Variants in C10orf67 observed in about 807,000 individuals in gnomAD.
The protein encoded by C10orf67 is uncharacterized protein C10orf67, mitochondrial.
Under a neutral mutation model 35.6 loss-of-function variants are expected in C10orf67, and 60 were observed. The observed-to-expected ratio is 1.68, with a 90% CI of 1.37 to 2.09. The LOEUF (loss-of-function observed/expected upper bound fraction) is 2.09, where lower values mean the gene tolerates loss of function less well. Among genes scored for constraint, C10orf67 ranks in the 30% most tolerant of loss-of-function variants. C10orf67 has a pLI of 0.00. For synonymous variants in C10orf67, 167 were observed against 115.8 expected (o/e 1.44, Z -2.84); for missense variants, 474 against 330.2 (o/e 1.44, Z -3.38).
rs542047387 is a variant in C10orf67 at position 23,284,642 on chromosome 10, T to A, written c.910-2564A>T. Among the ~76,000 whole-genome samples the A allele has an allele frequency of 3.5e-4, 53 of 152,158 alleles. 1 individual carries two copies. Among genetic ancestry groups the A allele is most frequent in the Admixed American group, 3.4e-3 (52 of 15,260 alleles). The stretch of plus-strand genomic sequence containing the variant: ...GGAAGGCTGCAGTGAGCCATGATCA[T>A]GCCACTGCACTCCATCGCAGGCAAC... On this transcript the variant is annotated intron_variant, in intron 7 of 15. Transcript: ENST00000636213.
rs184436361 is a variant in C10orf67 at position 23,258,487 on chromosome 10, C to G, written c.1200+7775G>C. The G allele has an allele frequency of 4.4e-3, 724 of 165,432 alleles. 5 individuals carry two copies. Among genetic ancestry groups the G allele is most frequent in the African/African-American group, 0.017 (696 of 42,108 alleles). The allele number at this position is 165,432 out of a possible 1,614,324, so 10.2% of individuals were successfully genotyped here. ...ATCACTGGCAATTTGGTGTTCCTGCCGAATGCATCCAAAAGCTACCAGGGT... is the reference window on the plus strand; with the variant it reads ...ATCACTGGCAATTTGGTGTTCCTGCGGAATGCATCCAAAAGCTACCAGGGT... On this transcript the variant is annotated intron_variant, in intron 10 of 15. Coordinates refer to ENST00000636213, the MANE Select transcript of C10orf67 (RefSeq NM_001371909.1).
At chr10:23,205,173 A>G (rs896593005) in intron 15 of C10orf67, among the ~76,000 whole-genome samples, 1 of 152,216 alleles carries the variant, frequency 6.6e-6, no homozygotes, top group African/African-American at 2.4e-5. Flanking sequence ...TTTCTGCAGA[A>G]GGGCCTTTCT....
chr10:23,330,444 CAG>C (rs1290363495), intron 2 of C10orf67, among the ~76,000 whole-genome samples: 1 of 151,804 alleles, frequency 6.6e-6, no homozygotes, highest in Non-Finnish European at 1.5e-5. Context: ...GTCTACGTGA[CAG>C]AGTGAGACCC....
At chr10:23,270,936 C>T (rs899983800) in intron 8 of C10orf67, among the ~76,000 whole-genome samples, 2 of 152,210 alleles carry the variant, frequency 1.3e-5, no homozygotes, top group African/African-American at 4.8e-5. Flanking sequence ...GAACTCTGAT[C>T]TCTCCCTGGG....
intron 1 of C10orf67, chr10:23,344,122 G>A (rs1846037925): frequency 5.3e-6 from 1 of 190,124 alleles, no homozygotes; most frequent in Non-Finnish European, 1.1e-5. Flanking sequence ...TCCGTGGGCG[G>A]GGGCCGGGGA....
chr10:23,338,859 TAAA>T (rs1305576727), intron 1 of C10orf67, among the ~76,000 whole-genome samples: 1 of 151,766 alleles, frequency 6.6e-6, no homozygotes, highest in South Asian at 2.1e-4. Flanking sequence ...AAAATAAAAA[TAAA>T]AAAAATAAAA....
rs181075547 is a variant in C10orf67, at chr10:23,264,334, T to C, written c.1200+1928A>G. 1.9e-4 allele frequency among the ~76,000 whole-genome samples: 29 copies of C among 152,264 alleles called. No individual in the cohort carries two copies. The East Asian group carries it at 4.8e-3, about 25-fold the overall frequency. ...AGAAAAACATACTTCATTTTAAAAT[T>C]GAGCCAATTCATAGAAATATGTAAA... On this transcript the variant is annotated intron_variant, in intron 10 of 15. Transcript: ENST00000636213.
chr10:23,254,173 T>A (rs1842539071), intron 10 of C10orf67, among the ~76,000 whole-genome samples: 1 of 152,218 alleles, frequency 6.6e-6, no homozygotes, highest in Admixed American at 6.5e-5. Flanking sequence ...ACAAATTAAA[T>A]AATTGTAAAG....
intron 12 of C10orf67, among the ~76,000 whole-genome samples, chr10:23,247,103 A>C (rs1443612744): frequency 1.3e-5 from 2 of 152,228 alleles, no homozygotes; most frequent in Non-Finnish European, 2.9e-5. Flanking sequence ...CAGTAAACTA[A>C]GGCTAATTTG....
At chr10:23,214,752 T>G (rs1841388093) in intron 15 of C10orf67, among the ~76,000 whole-genome samples, 1 of 152,200 alleles carries the variant, frequency 6.6e-6, no homozygotes, top group African/African-American at 2.4e-5. Context: ...CTGGGTGCAG[T>G]GGCTCACGCC....
intron 12 of C10orf67, among the ~76,000 whole-genome samples, chr10:23,241,617 C>A (rs963645191): frequency 5.9e-5 from 9 of 152,020 alleles, no homozygotes; most frequent in Admixed American, 5.2e-4. Context: ...AGTTACATAT[C>A]TTGAGATAGA....
chr10:23,283,210 T>C (rs768122656), intron 7 of C10orf67, among the ~76,000 whole-genome samples: 5 of 152,072 alleles, frequency 3.3e-5, no homozygotes, highest in Non-Finnish European at 7.4e-5. Flanking sequence ...CCCACAAAAA[T>C]TAAAAATGAA....
chr10:23,320,200 TGC>T (rs1844890712), intron 4 of C10orf67, among the ~76,000 whole-genome samples: 1 of 152,154 alleles, frequency 6.6e-6, no homozygotes, highest in African/African-American at 2.4e-5. Context: ...AAAAGAAGTA[TGC>T]AAAAAATTTA....
intron 13 of C10orf67, among the ~76,000 whole-genome samples, chr10:23,234,723 A>G (rs1230000885): frequency 2.7e-5 from 4 of 150,914 alleles, no homozygotes; most frequent in Non-Finnish European, 4.4e-5. Context: ...AAAAAAAAAA[A>G]GGTAAATAAG....
chr10:23,283,694 C>T (rs970596232), intron 7 of C10orf67, among the ~76,000 whole-genome samples: 2 of 152,122 alleles, frequency 1.3e-5, no homozygotes, highest in Admixed American at 6.6e-5. Context: ...TTGCGTGGTA[C>T]TTAGAATACC....
chr10:23,270,087 C>T (rs1490801834), intron 8 of C10orf67, among the ~76,000 whole-genome samples: 3 of 152,010 alleles, frequency 2.0e-5, no homozygotes, highest in Admixed American at 6.6e-5. Flanking sequence ...GGGGGAGGGG[C>T]CAAGAGCCAA....
intron 8 of C10orf67, among the ~76,000 whole-genome samples, chr10:23,277,942 G>A (rs1253879433): frequency 2.6e-5 from 4 of 152,170 alleles, no homozygotes; most frequent in African/African-American, 9.7e-5. Flanking sequence ...ATGGTGGAAG[G>A]TGAAGGGGGA....
chr10:23,314,480 TAA>T (rs1844619111), intron 4 of C10orf67, among the ~76,000 whole-genome samples: 3 of 107,348 alleles, frequency 2.8e-5, no homozygotes, highest in Admixed American at 1.0e-4. Context: ...AAAATTAAGT[TAA>T]AACACACACA....
At chr10:23,297,896 C>T (rs140946555) in intron 5 of C10orf67, among the ~76,000 whole-genome samples, 2,269 of 152,292 alleles carry the variant, frequency 0.015, 53 homozygotes, top group African/African-American at 0.052. Context: ...AGTAAGATCT[C>T]TTCCCTGTAT....
Sources: gnomAD v4.1 joint callset for allele counts (sites outside exome capture counted in the v4.1 genomes callset) on GRCh38, gnomAD v4.1.1 for gene constraint, MANE v1.5 for transcripts, NCBI Gene and HGNC (gene_info 2026-07-23, HGNC 2026-07-21) for gene names.